Variants in USP40 observed in about 807,000 individuals in gnomAD.
The protein encoded by USP40 is ubiquitin specific peptidase 40.
A neutral mutation model predicts 166.2 loss-of-function variants in USP40; 143 were observed. The observed-to-expected ratio is 0.86, with a 90% CI of 0.75 to 0.99. The LOEUF is 0.99. Among genes scored for constraint, USP40 ranks in the 50% least tolerant of loss-of-function variants. The pLI is 0.00. For missense variants in USP40, 1,444 were observed against 1,479.7 expected, an observed-to-expected ratio of 0.98 and a Z score of 0.40; for synonymous variants, 498 against 524.0, an observed-to-expected ratio of 0.95 and a Z score of 0.68.
chr2:233,537,528 C>A (rs1475717784), intron 10 of USP40, among the ~76,000 whole-genome samples: 1 of 151,978 alleles, frequency 6.6e-6, no homozygotes, highest in Non-Finnish European at 1.5e-5. Flanking sequence ...TGTCAAACTG[C>A]TGAAAACCAA....
chr2:233,504,264 G>A lies in USP40; in HGVS notation c.2614-4349C>T, dbSNP rs1367952621. ...AAGATCTACAAAACAACCAGAAAACGATTAACAAAATGGCAGGAGTAAGTT... is the reference window on the plus strand; with the variant it reads ...AAGATCTACAAAACAACCAGAAAACAATTAACAAAATGGCAGGAGTAAGTT... On this transcript the variant is annotated intron_variant, in intron 21 of 31. Transcript: ENST00000678225. Among the ~76,000 whole-genome samples the A allele has an allele frequency of 3.9e-5, 6 of 151,938 alleles. No individual in the cohort carries two copies. In the South Asian group the frequency reaches 6.2e-4, roughly 16 times the overall value.
intron 25 of USP40, 135 bp from the exon 26 acceptor site, chr2:233,491,396 G>T: frequency 2.9e-6 from 2 of 693,612 alleles, no homozygotes; most frequent in South Asian, 3.6e-5. Context: ...CAAGTCTTAT[G>T]AGGAGGCCCT....
rs990185135 is a variant in USP40 at position 233,553,344 on chromosome 2, G to GA, written c.693+1035dup. ...GAATGGCTGCTAGAAGATAAAATGG[G>GA]AAAAAAACCCACAAAACATTTTTTA... is the stretch of plus-strand genomic sequence containing the variant. On this transcript the variant is annotated intron_variant, in intron 6 of 31. Transcript: ENST00000678225. 2.1e-4 allele frequency among the ~76,000 whole-genome samples: 32 copies of GA among 151,932 alleles called. 1 individual carries two copies. The highest frequency in any genetic ancestry group is 1.8e-3 in the Admixed American group (28 of 15,250).
intron 26 of USP40, 127 bp downstream of exon 26, chr2:233,491,040 A>G (rs971110473): frequency 3.7e-6 from 3 of 817,230 alleles, no homozygotes; most frequent in South Asian, 1.5e-5. Flanking sequence ...ACCACTGAAC[A>G]TGGCATATGA....
At chr2:233,537,375 G>C (rs1292686515) in intron 10 of USP40, among the ~76,000 whole-genome samples, 2 of 152,078 alleles carry the variant, frequency 1.3e-5, no homozygotes, top group Admixed American at 1.3e-4. Context: ...AAAAGAAAGA[G>C]AGATGAGGCA....
chr2:233,563,959 T>C (rs1339086161), intron 2 of USP40, among the ~76,000 whole-genome samples: 1 of 152,182 alleles, frequency 6.6e-6, no homozygotes, highest in African/African-American at 2.4e-5. Flanking sequence ...CTACTTCGAG[T>C]TGTCCTTTAA....
intron 12 of USP40, among the ~76,000 whole-genome samples, chr2:233,527,980 A>AT (rs200328029): frequency 0.22 from 30,769 of 139,522 alleles, 3,607 homozygotes; most frequent in South Asian, 0.42. Context: ...TTCTCCCATG[A>AT]TTTTTTTTTT....
chr2:233,565,292 ATAAT>A (rs1352743553), intron 2 of USP40, 60 bp downstream of exon 2: 6 of 1,243,156 alleles, frequency 4.8e-6, no homozygotes, highest in Non-Finnish European at 6.7e-6. Flanking sequence ...GTGATTTTGC[ATAAT>A]TAATTACATG....
At chr2:233,565,252 G>C (rs1190737113) in intron 2 of USP40, 104 bp downstream of exon 2, 1 of 898,500 alleles carries the variant, frequency 1.1e-6, no homozygotes, top group Admixed American at 2.7e-5. Context: ...ACATACTGTA[G>C]AATATATCTT....
intron 18 of USP40, among the ~76,000 whole-genome samples, chr2:233,517,191 AT>A (rs913380219): frequency 2.6e-5 from 4 of 152,238 alleles, no homozygotes; most frequent in African/African-American, 9.6e-5. Context: ...TGGTGTGGAT[AT>A]GGTGATTAGG....
chr2:233,491,137 A>G, intron 26 of USP40, 30 bp downstream of exon 26: 2 of 1,488,802 alleles, frequency 1.3e-6, no homozygotes, highest in Non-Finnish European at 1.9e-6. Context: ...CCACATTACC[A>G]CTAAGTTATG....
intron 16 of USP40, 90 bp downstream of exon 16, chr2:233,523,078 CTT>C (rs1273242771): frequency 7.6e-6 from 10 of 1,321,124 alleles, no homozygotes; most frequent in Non-Finnish European, 9.3e-6. Context: ...ACATTCAACT[CTT>C]GTCACTAAAA....
At chr2:233,558,330 T>G (rs1181026170) in intron 4 of USP40, among the ~76,000 whole-genome samples, 1 of 151,262 alleles carries the variant, frequency 6.6e-6, no homozygotes, top group African/African-American at 2.4e-5. Flanking sequence ...GTGAAGCTCA[T>G]TATCAAAAAC....
intron 21 of USP40, among the ~76,000 whole-genome samples, chr2:233,505,204 G>A (rs1255434457): frequency 6.6e-6 from 1 of 151,844 alleles, no homozygotes; most frequent in East Asian, 1.9e-4. Context: ...GTTCTAAGAG[G>A]GAAGTTCACA....
At chr2:233,543,524 T>C (rs778503151) in intron 8 of USP40, among the ~76,000 whole-genome samples, 1 of 152,084 alleles carries the variant, frequency 6.6e-6, no homozygotes, top group Non-Finnish European at 1.5e-5. Context: ...GCCAATGCAA[T>C]AGTATTAAGA....
intron 21 of USP40, among the ~76,000 whole-genome samples, chr2:233,508,759 GA>G (rs1249379196): frequency 6.6e-6 from 1 of 151,738 alleles, no homozygotes. Context: ...GGAAAAACAG[GA>G]AAAAAAATGC....
rs563634379 is a variant in USP40 at position 233,504,084 on chromosome 2, A to C, written c.2614-4169T>G. Among the ~76,000 whole-genome samples, 22 of 152,254 alleles carry C rather than the reference A, an allele frequency of 1.4e-4. No homozygotes were observed. The East Asian group carries it at 4.2e-3, about 29-fold the overall frequency. On this transcript the variant is annotated intron_variant, in intron 21 of 31. Coordinates refer to ENST00000678225, the MANE Select transcript of USP40 (RefSeq NM_001365479.2). ...CCAAAGGTGAGTTGGATACAGCTTA[A>C]AATAGTCTATTATAAGTACAAGACT...
intron 4 of USP40, among the ~76,000 whole-genome samples, chr2:233,559,393 A>G (rs1559287782): frequency 1.3e-5 from 2 of 152,250 alleles, no homozygotes; most frequent in Non-Finnish European, 1.5e-5. Flanking sequence ...TAACAAACAA[A>G]GAATTTTTAA....
chr2:233,510,062 A>G lies in USP40; in HGVS notation c.2600T>C (p.Ile867Thr). The G allele has an allele frequency of 6.3e-7, 1 of 1,592,270 alleles. No homozygotes were observed. Among genetic ancestry groups the G allele is most frequent in the Admixed American group, 1.7e-5 (1 of 57,588 alleles). ...TEMEIVVEETISVRDCLKLML... is the reference protein window; with the variant it reads ...TEMEIVVEETTSVRDCLKLML... Reference sequence around the variant, plus strand: ...AAAATTACTTACATCTCTCACAGATATTGTTTCTTCTACTACGATTTCCAT... The same window carrying G: ...AAAATTACTTACATCTCTCACAGATGTTGTTTCTTCTACTACGATTTCCAT... The change falls in exon 21 of 32, where the codon ATA becomes ACA. Residue 867 changes from isoleucine (I) to threonine (T), a missense_variant. Ile to Thr is a moderately conservative substitution (Grantham distance 89, BLOSUM62 -1). Transcript: ENST00000678225.
Sources: gnomAD v4.1 joint callset for allele counts (sites outside exome capture counted in the v4.1 genomes callset) on GRCh38, gnomAD v4.1.1 for gene constraint, MANE v1.5 for transcripts, NCBI Gene and HGNC (gene_info 2026-07-23, HGNC 2026-07-21) for gene names.